TMEM243: variants seen among roughly 807,000 people sequenced by gnomAD.
TMEM243 encodes transmembrane protein 243, also known as MDR1 and mitochondrial taxol resistance associated.
Under a neutral mutation model 15.0 loss-of-function variants are expected in TMEM243, and 20 were observed. The observed-to-expected ratio is 1.33, with a 90% CI of 0.94 to 1.93. TMEM243 has a LOEUF of 1.93. TMEM243 is among the 30% of genes most tolerant of loss of function. The pLI is 0.00. For synonymous variants in TMEM243, 72 were observed against 52.7 expected, an observed-to-expected ratio of 1.37 and a Z score of -1.59; for missense variants, 156 against 142.1, an observed-to-expected ratio of 1.10 and a Z score of -0.50.
At chr7:87,220,391 GGGGCCCTGGCCGCGCCGGGGAGAGT>G (rs1803444915), upstream of TMEM243, 1 of 152,414 alleles carries the variant, frequency 6.6e-6, no homozygotes, top group Non-Finnish European at 1.5e-5. Context: ...CGCACGCTGG[GGGGCCCTGGCCGCGCCGGGGAGAGT>G]GGGCCCTGGG....
rs528630804 is a variant in TMEM243 at position 87,216,693 on chromosome 7, T to C, written c.78+2733A>G. 13 of 152,362 alleles carry C rather than the reference T, an allele frequency of 8.5e-5. No homozygotes were observed. In the South Asian group the frequency reaches 1.9e-3, roughly 22 times the overall value. The allele number at this position is 152,362 out of a possible 1,614,324, so 9.4% of individuals were successfully genotyped here. On this transcript the variant is annotated intron_variant, in intron 1 of 3. Coordinates refer to ENST00000257637, the MANE Select transcript of TMEM243 (RefSeq NM_024315.4). ...GCTGCTCAAGGCCAACTTAGTTATA[T>C]ATTAATAGTCATTGTTCTATAATAG...
At chr7:87,219,390 C>G in intron 1 of TMEM243, 36 bp downstream of exon 1, 2 of 1,602,540 alleles carry the variant, frequency 1.2e-6, no homozygotes, top group Non-Finnish European at 1.7e-6. Flanking sequence ...GCAGACACAC[C>G]CCCCATCCCA....
chr7:87,196,528 T>C lies in TMEM243; in HGVS notation c.*108A>G, dbSNP rs1219972662. On this transcript the variant is annotated 3_prime_UTR_variant, in exon 4 of 4. Transcript: ENST00000257637. The stretch of plus-strand genomic sequence containing the variant: ...ACATTTACAATTAACATGAAAATCA[T>C]GTATCAGACTTCTGCAGGAGATTCT... 84 of 1,056,296 alleles carry C rather than the reference T, an allele frequency of 8.0e-5. No individual in the cohort carries two copies. Among genetic ancestry groups the C allele is most frequent in the Non-Finnish European group, 1.1e-4 (80 of 723,358 alleles). The allele number at this position is 1,056,296 out of a possible 1,614,324, so 65.4% of individuals were successfully genotyped here. A position where few individuals can be genotyped will look rare whatever the true frequency, so the allele number is the denominator to read the frequency against.
chr7:87,212,945 A>G (rs184940975), intron 1 of TMEM243, among the ~76,000 whole-genome samples: 1 of 152,378 alleles, frequency 6.6e-6, no homozygotes, highest in Admixed American at 6.5e-5. Context: ...GCCAGGGCAC[A>G]TCTTTGACAG....
In TMEM243 at chr7:87,197,960, C is replaced by G; in HGVS notation, c.215G>C (p.Ser72Thr). ...IFFAVCISLS[S>T]ITACILIYWY... ...ACTTACAAGTATGCAGGCAGTAATA[C>G]TACTCAAAGAGATGCAGACAGCAAA... is the stretch of plus-strand genomic sequence containing the variant. The change falls in exon 3 of 4, where the codon AGT becomes ACT. Residue 72 changes from serine (S) to threonine (T), a missense_variant. Physicochemically the swap from Ser to Thr is moderately conservative, Grantham distance 58. Transcript: ENST00000257637. 2 of 1,613,030 alleles carry G rather than the reference C, an allele frequency of 1.2e-6. No homozygotes were observed. The highest frequency in any genetic ancestry group is 1.7e-6 in the Non-Finnish European group (2 of 1,179,372).
upstream of TMEM243, chr7:87,220,119 C>T (rs1803413701): frequency 6.5e-6 from 1 of 153,208 alleles, no homozygotes; most frequent in Non-Finnish European, 1.5e-5. Context: ...CGGAGCACAG[C>T]CCAGCGCTCC....
At chr7:87,208,493 A>G (rs1270862807) in intron 1 of TMEM243, among the ~76,000 whole-genome samples, 1 of 152,194 alleles carries the variant, frequency 6.6e-6, no homozygotes, top group Non-Finnish European at 1.5e-5. Flanking sequence ...TCAGGGTACA[A>G]TTCTGATACT....
At chr7:87,217,958 T>C (rs941727264) in intron 1 of TMEM243, among the ~76,000 whole-genome samples, 1 of 152,234 alleles carries the variant, frequency 6.6e-6, no homozygotes, top group East Asian at 1.9e-4. Context: ...ACAAGAGCTA[T>C]GAGTTAAAAG....
intron 1 of TMEM243, among the ~76,000 whole-genome samples, chr7:87,210,910 C>T (rs753430205): frequency 6.6e-6 from 1 of 152,246 alleles, no homozygotes; most frequent in Non-Finnish European, 1.5e-5. Context: ...CCCAACAGCA[C>T]GTGGAAGCCA....
At chr7:87,220,091 C>A (rs1379457012), upstream of TMEM243, 1 of 153,364 alleles carries the variant, frequency 6.5e-6, no homozygotes, top group Non-Finnish European at 1.5e-5. Context: ...CCAGTGGCGG[C>A]GGGAGGAGTG....
At position 87,219,723 on chromosome 7, in the gene TMEM243, C is replaced by G. The variant is rs947850785; in HGVS notation, c.-220G>C. On this transcript the variant is annotated 5_prime_UTR_variant, in exon 1 of 4. Transcript: ENST00000257637. ...GCACCTCCTCATCTTGAGCAGCTGCCGCAGGAAGTGAAAGGAAACAAACAC... is the reference window on the plus strand; with the variant it reads ...GCACCTCCTCATCTTGAGCAGCTGCGGCAGGAAGTGAAAGGAAACAAACAC... 1.8e-6 allele frequency: 1 copy of G among 570,620 alleles called. No individual in the cohort carries two copies. Among genetic ancestry groups the G allele is most frequent in the Non-Finnish European group, 3.1e-6 (1 of 322,638 alleles). The allele number at this position is 570,620 out of a possible 1,614,324, so 35.3% of individuals were successfully genotyped here. A position where few individuals can be genotyped will look rare whatever the true frequency, so the allele number is the denominator to read the frequency against.
chr7:87,208,479 C>G (rs1266947831), intron 1 of TMEM243, among the ~76,000 whole-genome samples: 1 of 152,206 alleles, frequency 6.6e-6, no homozygotes, highest in African/African-American at 2.4e-5. Context: ...TGCCCCTGTG[C>G]TTTTCAGGGT....
At chr7:87,209,154 C>G (rs534842329) in intron 1 of TMEM243, among the ~76,000 whole-genome samples, 10 of 152,302 alleles carry the variant, frequency 6.6e-5, no homozygotes, top group African/African-American at 2.4e-4. Context: ...TCTCACACTA[C>G]TAGAAAGAAC....
chr7:87,207,313 C>CTGGATGGACAATGCCATGAA (rs1562882691), intron 1 of TMEM243, among the ~76,000 whole-genome samples: 1 of 44,092 alleles, frequency 2.3e-5, no homozygotes, highest in African/African-American at 7.7e-5. Flanking sequence ...AAGCAAAAGC[C>CTGGATGGACAATGCCATGAA]GGCCGGGCGC....
rs1803353576 is a variant in TMEM243, at chr7:87,219,562, G to A, written c.-59C>T. ...AAAGCAAGACAGCATGACCTCCCGA[G>A]GTCTCAGGTCCACGACTGCAAGCCT... is the stretch of plus-strand genomic sequence containing the variant. On this transcript the variant is annotated 5_prime_UTR_variant, in exon 1 of 4. Transcript: ENST00000257637. 2 of 1,491,686 alleles carry A rather than the reference G, an allele frequency of 1.3e-6. No individual in the cohort carries two copies. Among genetic ancestry groups the A allele is most frequent in the East Asian group, 2.3e-5 (1 of 43,784 alleles). 92.4% of individuals were successfully genotyped at this position (1,491,686 alleles called of 1,614,324 possible). A position where few individuals can be genotyped will look rare whatever the true frequency, so the allele number is the denominator to read the frequency against.
Position 87,196,659 on chromosome 7 carries a change from A to C in TMEM243, c.334T>G (p.Tyr112Asp). 1.2e-6 allele frequency: 2 copies of C among 1,608,896 alleles called. No homozygotes were observed. The highest frequency in any genetic ancestry group is 1.1e-5 in the South Asian group (1 of 89,816). ...IIMLCICANL[Y>D]FHDVGR ...CCTCACCTTCCCACATCATGGAAGT[A>C]CAGGTTTGCACATATACACAACATG... The change falls in exon 4 of 4, where the codon TAC becomes GAC. Residue 112 changes from tyrosine (Y) to aspartate (D), a missense_variant. Transcript: ENST00000257637.
At chr7:87,201,689 CTT>C (rs886563623) in intron 1 of TMEM243, among the ~76,000 whole-genome samples, 85 of 152,264 alleles carry the variant, frequency 5.6e-4, no homozygotes, top group African/African-American at 2.0e-3. Context: ...TACATTTAAA[CTT>C]TGCTGTTTAT....
intron 1 of TMEM243, among the ~76,000 whole-genome samples, chr7:87,209,845 T>TAA (rs1802598606): frequency 1.1e-5 from 1 of 95,050 alleles, no homozygotes; most frequent in African/African-American, 4.3e-5. Context: ...AGAGAGACAG[T>TAA]GAGAGCGAGA....
At chr7:87,209,553 A>T (rs868281315) in intron 1 of TMEM243, among the ~76,000 whole-genome samples, 114 of 142,540 alleles carry the variant, frequency 8.0e-4, no homozygotes, top group Admixed American at 2.7e-3. Context: ...AGAGACAATG[A>T]GAGAGACAAT....
Sources: allele counts gnomAD v4.1 joint callset (sites outside exome capture counted in the v4.1 genomes callset), GRCh38; gene constraint gnomAD v4.1.1; transcripts MANE v1.5; gene names NCBI Gene and HGNC (gene_info 2026-07-23, HGNC 2026-07-21).